LONP1: variants seen among roughly 807,000 people sequenced by gnomAD.
LONP1 encodes the protein lon protease homolog, mitochondrial.
LONP1 carries 31 observed loss-of-function variants against 98.5 expected under a neutral mutation model. The observed-to-expected ratio is 0.31, with a 90% CI of 0.24 to 0.42. The LOEUF (loss-of-function observed/expected upper bound fraction) is 0.42. Ranked by LOEUF, LONP1 falls within the 20% of genes least tolerant of loss-of-function variation. The pLI, the probability that LONP1 is intolerant of heterozygous loss-of-function variation, is 1.00. For missense variants in LONP1, 1,336 were observed against 1,350.6 expected (o/e 0.99, Z 0.17); for synonymous variants, 781 against 594.7 (o/e 1.31, Z -4.56).
chr19:5,699,292 C>T lies in LONP1; in HGVS notation c.1507-87G>A, dbSNP rs540678848. Reference sequence around the variant, plus strand: ...CTCTCGCCACCTGCACACTGCCTTTCAGACGTCTGAGGGCTGCGAGAAGGG... The same window carrying T: ...CTCTCGCCACCTGCACACTGCCTTTTAGACGTCTGAGGGCTGCGAGAAGGG... On this transcript the variant is annotated intron_variant, in intron 9 of 17. Transcript: ENST00000360614. The T allele has an allele frequency of 1.3e-5, 15 of 1,142,672 alleles. No homozygotes were observed. In the East Asian group the frequency reaches 3.9e-4, roughly 30 times the overall value. 70.8% of individuals were successfully genotyped at this position (1,142,672 alleles called of 1,614,324 possible).
intron 1 of LONP1, among the ~76,000 whole-genome samples, chr19:5,717,197 T>C (rs1382021770): frequency 6.6e-6 from 1 of 152,218 alleles, no homozygotes; most frequent in Non-Finnish European, 1.5e-5. Flanking sequence ...CAAAAGTTGC[T>C]AATAGGAGAG....
intron 17 of LONP1, 96 bp from the exon 18 acceptor site, chr19:5,692,304 A>C (rs567724425): frequency 8.4e-7 from 1 of 1,192,096 alleles, no homozygotes; most frequent in South Asian, 1.5e-5. Flanking sequence ...GGGACCGGCG[A>C]TACACAGTGA....
Position 5,719,908 on chromosome 19 carries a change from G to C in LONP1, c.225C>G (p.Gly75=). 1 of 1,549,514 alleles carries C rather than the reference G, an allele frequency of 6.5e-7. No individual in the cohort carries two copies. The highest frequency in any genetic ancestry group is 8.7e-7 in the Non-Finnish European group (1 of 1,148,524). Residue 75 remains glycine (G), a synonymous_variant, in exon 1 of 18, where the codon GGC becomes GGG. Coordinates refer to ENST00000360614, the MANE Select transcript of LONP1 (RefSeq NM_004793.4). ...CCTCGCCCCCCGAGAATGCGCCTCCGCCGCGGCTGCTCGCTTCCCAAAACC... is the reference window on the plus strand; with the variant it reads ...CCTCGCCCCCCGAGAATGCGCCTCCCCCGCGGCTGCTCGCTTCCCAAAACC... ...WRGFWEASSR[G]GGAFSGGEDA...
chr19:5,691,976 T>TCAGTTCTGGCCCAGATAGGGCCTGACATC lies in LONP1; in HGVS notation c.*55_*56insGATGTCAGGCCCTATCTGGGCCAGAACTG. 6.5e-7 allele frequency: 1 copy of TCAGTTCTGGCCCAGATAGGGCCTGACATC among 1,536,484 alleles called. No individual in the cohort carries two copies. The highest frequency in any genetic ancestry group is 8.8e-7 in the Non-Finnish European group (1 of 1,135,666). On this transcript the variant is annotated 3_prime_UTR_variant, in exon 18 of 18. Transcript: ENST00000360614. ...GGTCCGGGCGCGCTCCCCACAGCGC[T>TCAGTTCTGGCCCAGATAGGGCCTGACATC]CAGTTCTGGCCCAGACAGGGCCTGA...
At chr19:5,720,296 C>T (rs1394647394), upstream of LONP1, 12 of 1,013,966 alleles carry the variant, frequency 1.2e-5, no homozygotes, top group East Asian at 1.5e-4. Context: ...GTTCGAGCAT[C>T]GGATCGTCTC....
At chr19:5,706,961 G>A (rs1027699338) in intron 7 of LONP1, 99 bp downstream of exon 7, 309 of 1,002,962 alleles carry the variant, frequency 3.1e-4, no homozygotes, top group Non-Finnish European at 4.2e-4. Context: ...TGCCCTGGCC[G>A]ATGCCACCGG....
Position 5,711,913 on chromosome 19 carries a change from T to C in LONP1, c.728A>G (p.Lys243Arg). 6.2e-7 allele frequency: 1 copy of C among 1,613,154 alleles called. No homozygotes were observed. The highest frequency in any genetic ancestry group is 2.2e-5 in the East Asian group (1 of 44,844). Reference protein sequence around the residue: ...HKPRRKSKRGKKEAEDELSAR... With the variant: ...HKPRRKSKRGRKEAEDELSAR... ...GCTCAGCTCGTCCTCCGCCTCCTTC[T>C]TGCCCCGCTTTGACTTCCTGCGGGG... Residue 243 changes from lysine to arginine, a missense_variant, in exon 4 of 18, where the codon AAG becomes AGG. By Grantham distance (26) the Lys-to-Arg change is conservative. Coordinates refer to ENST00000360614, the MANE Select transcript of LONP1 (RefSeq NM_004793.4).
intron 1 of LONP1, among the ~76,000 whole-genome samples, chr19:5,715,459 CG>C (rs1392422319): frequency 7.3e-5 from 11 of 150,058 alleles, no homozygotes; most frequent in Non-Finnish European, 1.5e-4. Context: ...CTGGCTAACA[CG>C]GTGAAACCCC....
At chr19:5,702,333 C>CCT (rs1568318968) in intron 8 of LONP1, among the ~76,000 whole-genome samples, 1 of 148,864 alleles carries the variant, frequency 6.7e-6, no homozygotes, top group African/African-American at 2.5e-5. Context: ...CCCAGCCAGC[C>CCT]GCCCCGTCCG....
chr19:5,693,826 A>G, intron 15 of LONP1, 57 bp from the exon 16 acceptor site: 2 of 1,464,982 alleles, frequency 1.4e-6, no homozygotes, highest in Non-Finnish European at 1.9e-6. Context: ...GCCGGTGCTC[A>G]CTCCACCCCT....
chr19:5,705,575 C>T (rs368063491), intron 8 of LONP1, among the ~76,000 whole-genome samples, 197 bp downstream of exon 8: 2 of 152,172 alleles, frequency 1.3e-5, no homozygotes, highest in Non-Finnish European at 2.9e-5. Context: ...CCCCGAGCCT[C>T]GATTTCCTTG....
At chr19:5,718,041 C>CTT (rs2055349296) in intron 1 of LONP1, among the ~76,000 whole-genome samples, 3 of 152,022 alleles carry the variant, frequency 2.0e-5, no homozygotes, top group Admixed American at 2.0e-4. Flanking sequence ...CACAACAACT[C>CTT]TAATAAGACA....
At chr19:5,699,235 G>GT (rs1344382232) in intron 9 of LONP1, 30 bp from the exon 10 acceptor site, 8 of 1,465,946 alleles carry the variant, frequency 5.5e-6, no homozygotes, top group Non-Finnish European at 7.2e-6. Flanking sequence ...CAGTGGGCAC[G>GT]TGAGCTGGGG....
At chr19:5,716,625 TTATAAG>T in intron 1 of LONP1, among the ~76,000 whole-genome samples, 1 of 151,766 alleles carries the variant, frequency 6.6e-6, no homozygotes, top group East Asian at 1.9e-4. Context: ...TGACCCACTG[TTATAAG>T]TAAAATGTTT....
intron 1 of LONP1, 130 bp downstream of exon 1, chr19:5,719,574 G>A: frequency 6.6e-7 from 1 of 1,512,610 alleles, no homozygotes; most frequent in Non-Finnish European, 8.9e-7. Context: ...ACAAGGATTC[G>A]AACTGCACCC....
At chr19:5,718,843 T>G (rs1428429907) in intron 1 of LONP1, among the ~76,000 whole-genome samples, 1 of 152,068 alleles carries the variant, frequency 6.6e-6, no homozygotes, top group Non-Finnish European at 1.5e-5. Flanking sequence ...TAGTCTGAAA[T>G]GATCTAATTT....
At chr19:5,693,050 GCAGGAGC>G (rs1439172694) in intron 17 of LONP1, among the ~76,000 whole-genome samples, 1 of 152,162 alleles carries the variant, frequency 6.6e-6, no homozygotes, top group Non-Finnish European at 1.5e-5. Flanking sequence ...GGGAAGAGAA[GCAGGAGC>G]CACCCCCCCA....
Position 5,720,129 on chromosome 19 carries a change from C to A in LONP1, c.4G>T (p.Ala2Ser). The A allele has an allele frequency of 7.1e-7, 1 of 1,414,796 alleles. No homozygotes were observed. Among genetic ancestry groups the A allele is most frequent in the South Asian group, 1.5e-5 (1 of 67,276 alleles). 87.6% of individuals were successfully genotyped at this position (1,414,796 alleles called of 1,614,324 possible). The change falls in exon 1 of 18, where the codon GCG becomes TCG. Residue 2 changes from alanine to serine, a missense_variant. Ala to Ser is a moderately conservative substitution (Grantham distance 99). This residue lies in a region of LONP1 where 457 missense variants were observed against 403.1 expected (regional missense o/e 1.13). Coordinates refer to ENST00000360614, the MANE Select transcript of LONP1 (RefSeq NM_004793.4). M[A>S]ASTGYVRLWG... is the part of the protein sequence containing the mutation. ...AGTCGCACGTAGCCAGTGCTCGCCG[C>A]CATAGCCCGGCCATACTGGCGGCTC...
rs2054870616 is a variant in LONP1 at position 5,693,587 on chromosome 19, G to A, written c.2503C>T (p.Leu835=). Residue 835 remains leucine, a synonymous_variant, in exon 16 of 18, where the codon CTG becomes TTG. Coordinates refer to ENST00000360614, the MANE Select transcript of LONP1 (RefSeq NM_004793.4). Reference sequence around the variant, plus strand: ...TGCAGGTGGATGTGTGAGGTCACCAGGTAGTCATTGGCGGGGGCGTGCTGC... The same window carrying A: ...TGCAGGTGGATGTGTGAGGTCACCAAGTAGTCATTGGCGGGGGCGTGCTGC... ...LMQHAPANDY[L]VTSHIHLHVP... The A allele has an allele frequency of 6.2e-7, 1 of 1,614,018 alleles. No homozygotes were observed. Among genetic ancestry groups the A allele is most frequent in the Admixed American group, 1.7e-5 (1 of 60,008 alleles).
Sources: allele counts gnomAD v4.1 joint callset (sites outside exome capture counted in the v4.1 genomes callset), GRCh38; gene constraint gnomAD v4.1.1; regional missense constraint gnomAD v4.1.1; transcripts MANE v1.5; gene names NCBI Gene and HGNC (gene_info 2026-07-23, HGNC 2026-07-21).